Variants in TDRP observed in about 807,000 individuals in gnomAD.
TDRP encodes testis development related protein.
A neutral mutation model predicts 10.5 loss-of-function variants in TDRP; 12 were observed. That is an observed-to-expected ratio of 1.15 (90% CI 0.73 to 1.86). The LOEUF (loss-of-function observed/expected upper bound fraction) is 1.86, where lower values mean the gene tolerates loss of function less well. Among genes scored for constraint, TDRP ranks in the 40% most tolerant of loss-of-function variants. The pLI, the probability that TDRP is intolerant of heterozygous loss-of-function variation, is 0.00. For synonymous variants in TDRP, 139 were observed against 95.4 expected, an observed-to-expected ratio of 1.46 and a Z score of -2.67; for missense variants, 353 against 229.2, an observed-to-expected ratio of 1.54 and a Z score of -3.49.
chr8:497,419 T>C (rs907758538), intron 1 of TDRP, among the ~76,000 whole-genome samples: 1 of 152,150 alleles, frequency 6.6e-6, no homozygotes, highest in African/African-American at 2.4e-5. Flanking sequence ...GGGAGATGAT[T>C]TAGGATATCT....
At chr8:501,130 G>A (rs1038370427) in intron 1 of TDRP, among the ~76,000 whole-genome samples, 8 of 151,768 alleles carry the variant, frequency 5.3e-5, no homozygotes, top group African/African-American at 1.4e-4. Flanking sequence ...GCGTGAACCC[G>A]AGGAGGTGGA....
In TDRP at chr8:544,801, T is replaced by G; in HGVS notation, c.-44A>C. 1 of 1,207,990 alleles carries G rather than the reference T, an allele frequency of 8.3e-7. No individual in the cohort carries two copies. The highest frequency in any genetic ancestry group is 1.0e-6 in the Non-Finnish European group (1 of 966,552). The allele number at this position is 1,207,990 out of a possible 1,614,324, so 74.8% of individuals were successfully genotyped here. Reference sequence around the variant, plus strand: ...GTCCCTCCGTCCGTGCGTCGGGCTGTGGCTCCGCGTCCCTCCCGGCCGCCG... The same window carrying G: ...GTCCCTCCGTCCGTGCGTCGGGCTGGGGCTCCGCGTCCCTCCCGGCCGCCG... On this transcript the variant is annotated 5_prime_UTR_variant, in exon 1 of 3. Transcript: ENST00000324079.
rs547772103 is a variant in TDRP at position 490,131 on chromosome 8, T to A, written c.*2268A>T. On this transcript the variant is annotated 3_prime_UTR_variant, in exon 3 of 3. Coordinates refer to ENST00000324079, the MANE Select transcript of TDRP (RefSeq NM_001384899.1). The stretch of plus-strand genomic sequence containing the variant: ...AACACCCAGAATCAAAACCACATTC[T>A]CCCATTAACTTGTGAAGATAATAAA... 3 of 152,164 alleles carry A rather than the reference T, an allele frequency of 2.0e-5. No homozygotes were observed. The South Asian group carries it at 6.2e-4, about 31-fold the overall frequency. 9.4% of individuals were successfully genotyped at this position (152,164 alleles called of 1,614,324 possible).
chr8:504,535 A>C (rs1318953069), intron 1 of TDRP, among the ~76,000 whole-genome samples: 1 of 152,176 alleles, frequency 6.6e-6, no homozygotes, highest in African/African-American at 2.4e-5. Flanking sequence ...AGAATGTTCA[A>C]AGAGGCAGAC....
intron 1 of TDRP, among the ~76,000 whole-genome samples, chr8:528,188 GC>G (rs1802088181): frequency 6.6e-6 from 1 of 152,178 alleles, no homozygotes; most frequent in Non-Finnish European, 1.5e-5. Flanking sequence ...TCAGAGGAAT[GC>G]AAGTCAAAAC....
chr8:531,358 T>A (rs969588990), intron 1 of TDRP, among the ~76,000 whole-genome samples: 3 of 152,080 alleles, frequency 2.0e-5, no homozygotes, highest in Admixed American at 6.5e-5. Flanking sequence ...CATCAGACAT[T>A]TTATGTGGAG....
chr8:545,106 A>C (rs2116895622), upstream of TDRP: 1 of 81,374 alleles, frequency 1.2e-5, no homozygotes, highest in African/African-American at 5.9e-5. Flanking sequence ...TCCGAATCCC[A>C]TCCCCCACAG....
chr8:491,458 GGTC>G lies in TDRP; in HGVS notation c.*938_*940del. 4 of 657,046 alleles carry G rather than the reference GGTC, an allele frequency of 6.1e-6. No homozygotes were observed. Among genetic ancestry groups the G allele is most frequent in the Middle Eastern group, 5.2e-4 (2 of 3,856 alleles). 40.7% of individuals were successfully genotyped at this position (657,046 alleles called of 1,614,324 possible). ...AGAACGCGAGAGATGCTCTCAAACC[GGTC>G]GTCGATTATTCTTGTGGAAAAAACA... is the stretch of plus-strand genomic sequence containing the variant. On this transcript the variant is annotated 3_prime_UTR_variant, in exon 3 of 3. Coordinates refer to ENST00000324079, the MANE Select transcript of TDRP (RefSeq NM_001384899.1).
intron 1 of TDRP, among the ~76,000 whole-genome samples, chr8:539,433 A>ATCCTATTCTGTTG (rs1802433464): frequency 6.6e-6 from 1 of 152,198 alleles, no homozygotes; most frequent in South Asian, 2.1e-4. Flanking sequence ...TGCCCAGTTT[A>ATCCTATTCTGTTG]TCCTATTCTG....
At chr8:498,078 G>A (rs1217615815) in intron 1 of TDRP, among the ~76,000 whole-genome samples, 1 of 152,176 alleles carries the variant, frequency 6.6e-6, no homozygotes, top group Non-Finnish European at 1.5e-5. Context: ...CACTAGGGCA[G>A]CATGCAAGGG....
At chr8:544,571 C>T in intron 1 of TDRP, 79 bp downstream of exon 1, 3 of 1,009,304 alleles carry the variant, frequency 3.0e-6, no homozygotes, top group Non-Finnish European at 2.5e-6. Flanking sequence ...CCCGCACCTC[C>T]ACCTGCGCGC....
chr8:496,553 C>T (rs1483168055), intron 1 of TDRP, among the ~76,000 whole-genome samples: 1 of 152,186 alleles, frequency 6.6e-6, no homozygotes, highest in Non-Finnish European at 1.5e-5. Flanking sequence ...GTCTCACTGC[C>T]AAGTTGTTAT....
At chr8:542,876 G>T (rs1002963030) in intron 1 of TDRP, among the ~76,000 whole-genome samples, 1 of 120,242 alleles carries the variant, frequency 8.3e-6, no homozygotes, top group Non-Finnish European at 1.8e-5. Context: ...AAAAAAAAAA[G>T]TATAGATGAC....
At chr8:516,619 G>C (rs1158854159) in intron 1 of TDRP, among the ~76,000 whole-genome samples, 1 of 152,154 alleles carries the variant, frequency 6.6e-6, no homozygotes, top group African/African-American at 2.4e-5. Flanking sequence ...ATGCTGGCAA[G>C]GACATGGAGC....
In TDRP at chr8:491,262, G is replaced by A. The variant is rs560964278; in HGVS notation, c.*1137C>T. 6 of 183,886 alleles carry A rather than the reference G, an allele frequency of 3.3e-5. No homozygotes were observed. The South Asian group carries it at 7.8e-4, about 24-fold the overall frequency. The allele number at this position is 183,886 out of a possible 1,614,324, so 11.4% of individuals were successfully genotyped here. A position where few individuals can be genotyped will look rare whatever the true frequency, so the allele number is the denominator to read the frequency against. ...AGGGGAATGCACAGTGTAACTGGAGGTTTTATTTTACTTTTAAACAAAAAA... is the reference window on the plus strand; with the variant it reads ...AGGGGAATGCACAGTGTAACTGGAGATTTTATTTTACTTTTAAACAAAAAA... On this transcript the variant is annotated 3_prime_UTR_variant, in exon 3 of 3. Coordinates refer to ENST00000324079, the MANE Select transcript of TDRP (RefSeq NM_001384899.1).
intron 1 of TDRP, among the ~76,000 whole-genome samples, chr8:512,894 C>T (rs1801655698): frequency 6.6e-6 from 1 of 151,616 alleles, no homozygotes; most frequent in South Asian, 2.1e-4. Context: ...ATCACTTAAA[C>T]CTGGGAAGTG....
chr8:518,002 G>A (rs1261719275), intron 1 of TDRP, among the ~76,000 whole-genome samples: 1 of 152,180 alleles, frequency 6.6e-6, no homozygotes, highest in Non-Finnish European at 1.5e-5. Context: ...TAAATCTTAT[G>A]GCAGTGGAAC....
intron 1 of TDRP, among the ~76,000 whole-genome samples, chr8:502,993 C>G (rs1043444027): frequency 1.3e-5 from 2 of 151,782 alleles, no homozygotes; most frequent in East Asian, 1.9e-4. Context: ...ACACAGAATA[C>G]AGAGCCGCAC....
intron 1 of TDRP, among the ~76,000 whole-genome samples, chr8:497,505 T>C (rs572313889): frequency 6.6e-6 from 1 of 152,304 alleles, no homozygotes; most frequent in East Asian, 1.9e-4. Flanking sequence ...GTCATATGTG[T>C]TCACAAAGAG....
Sources: gnomAD v4.1 joint callset for allele counts (sites outside exome capture counted in the v4.1 genomes callset) on GRCh38, gnomAD v4.1.1 for gene constraint, MANE v1.5 for transcripts, NCBI Gene and HGNC (gene_info 2026-07-23, HGNC 2026-07-21) for gene names.